The following PBX2 variants were observed in gnomAD, a reference collection of about 807,000 sequenced individuals.
PBX2 encodes PBX homeobox 2.
PBX2 carries 10 observed loss-of-function variants against 46.5 expected under a neutral mutation model. The observed-to-expected ratio is 0.21, with a 90% CI of 0.13 to 0.36. PBX2 has a LOEUF of 0.36. Ranked by LOEUF, PBX2 falls within the 10% of genes least tolerant of loss-of-function variation. PBX2 has a pLI of 1.00. For missense variants in PBX2, 392 were observed against 580.5 expected, an observed-to-expected ratio of 0.68 and a Z score of 3.34; for synonymous variants, 160 against 222.5, an observed-to-expected ratio of 0.72 and a Z score of 2.50.
At position 32,190,186 on chromosome 6, in the gene PBX2, G is replaced by A. The variant is rs2127450716; in HGVS notation, c.-271C>T. The A allele has an allele frequency of 1.1e-5, 3 of 283,998 alleles. No homozygotes were observed. The South Asian group carries it at 3.4e-4, about 32-fold the overall frequency. 17.6% of individuals were successfully genotyped at this position (283,998 alleles called of 1,614,324 possible). The stretch of plus-strand genomic sequence containing the variant: ...CCCAAGCGGGGGTGTGTGTGAGAGA[G>A]AGGGAGGAGGGAGGAGGGAGAAGGG... On this transcript the variant is annotated 5_prime_UTR_variant, in exon 1 of 9. Transcript: ENST00000375050.
In PBX2 at chr6:32,185,662, A is replaced by C. The variant is rs1393362836; in HGVS notation, c.*720T>G. On this transcript the variant is annotated 3_prime_UTR_variant, in exon 9 of 9. Transcript: ENST00000375050. ...AACAAAAACAACAACAACAACAAAA[A>C]AAACAGATGGATCCCAGGGTTTCTT... 4 of 152,226 alleles carry C rather than the reference A, an allele frequency of 2.6e-5. No homozygotes were observed. Among genetic ancestry groups the C allele is most frequent in the Non-Finnish European group, 5.9e-5 (4 of 68,098 alleles). 9.4% of individuals were successfully genotyped at this position (152,226 alleles called of 1,614,324 possible). A position where few individuals can be genotyped will look rare whatever the true frequency, so the allele number is the denominator to read the frequency against.
Position 32,186,995 on chromosome 6 carries a change from T to G in PBX2, c.1025-94A>C. 3 of 1,166,910 alleles carry G rather than the reference T, an allele frequency of 2.6e-6. No individual in the cohort carries two copies. Among genetic ancestry groups the G allele is most frequent in the Non-Finnish European group, 3.8e-6 (3 of 795,078 alleles). 72.3% of individuals were successfully genotyped at this position (1,166,910 alleles called of 1,614,324 possible). A position where few individuals can be genotyped will look rare whatever the true frequency, so the allele number is the denominator to read the frequency against. ...CTCTTGTGGGGACATGCTACTATAC[T>G]CCAATTATCCACAAAATAACATTCC... is the stretch of plus-strand genomic sequence containing the variant. On this transcript the variant is annotated intron_variant, in intron 6 of 8. Coordinates refer to ENST00000375050, the MANE Select transcript of PBX2 (RefSeq NM_002586.5). This position sits in a 1 kb window ranked among gnomAD's most constrained non-coding sequence, Gnocchi z 4.2.
In PBX2 at chr6:32,189,614, T is replaced by TG. The variant is rs140151581; in HGVS notation, c.221+80dup. On this transcript the variant is annotated intron_variant, in intron 1 of 8. Transcript: ENST00000375050. This position sits in a 1 kb window ranked among gnomAD's most constrained non-coding sequence, Gnocchi z 4.7. The stretch of plus-strand genomic sequence containing the variant: ...TGGATCCTGGAGAGGGCCCTGGAGT[T>TG]GGGGGGGGCTCCCAGAAGATTCAGA... The TG allele has an allele frequency of 0.021, 21,814 of 1,031,768 alleles. 451 individuals are homozygous for TG. The highest frequency in any genetic ancestry group is 0.081 in the East Asian group (3,069 of 37,968). The allele number at this position is 1,031,768 out of a possible 1,614,324, so 63.9% of individuals were successfully genotyped here.
At position 32,190,013 on chromosome 6, in the gene PBX2, C is replaced by T. The variant is rs1787364631; in HGVS notation, c.-98G>A. ...TCGCTGGGGCCGCTGCTCCCTCCGCCCCAACCCCCGCCCGTCTGCCCCCGG... is the reference window on the plus strand; with the variant it reads ...TCGCTGGGGCCGCTGCTCCCTCCGCTCCAACCCCCGCCCGTCTGCCCCCGG... On this transcript the variant is annotated 5_prime_UTR_variant, in exon 1 of 9. Transcript: ENST00000375050. 1.8e-6 allele frequency: 1 copy of T among 558,562 alleles called. No individual in the cohort carries two copies. Among genetic ancestry groups the T allele is most frequent in the Non-Finnish European group, 3.0e-6 (1 of 336,576 alleles). 34.6% of individuals were successfully genotyped at this position (558,562 alleles called of 1,614,324 possible).
Position 32,187,403 on chromosome 6 carries a change from G to A in PBX2, c.871-8C>T, listed in dbSNP as rs368138195. The stretch of plus-strand genomic sequence containing the variant: ...GCCAAACCAGTTGGAGACCTGTGGG[G>A]CAGAAAGGAGGGTCAGGTAGAAACA... On this transcript the variant is annotated splice_polypyrimidine_tract_variant and splice_region_variant and intron_variant, in intron 5 of 8. Transcript: ENST00000375050. The surrounding 1 kb of genome is among the most constrained non-coding windows in gnomAD (Gnocchi z 7.7). 8 of 1,612,198 alleles carry A rather than the reference G, an allele frequency of 5.0e-6. No homozygotes were observed. In the East Asian group the frequency reaches 6.7e-5, roughly 13 times the overall value.
In PBX2 at chr6:32,186,506, GAA is replaced by G. The variant is rs1787148672; in HGVS notation, c.1201-34_1201-33del. On this transcript the variant is annotated intron_variant, in intron 8 of 8. Coordinates refer to ENST00000375050, the MANE Select transcript of PBX2 (RefSeq NM_002586.5). The surrounding 1 kb of genome is among the most constrained non-coding windows in gnomAD (Gnocchi z 4.2). ...GGAGAGACAGAGTACAGAAAACAGA[GAA>G]AGCCCTGGGAACCCTGTGTGGGCAC... 2 of 1,603,070 alleles carry G rather than the reference GAA, an allele frequency of 1.2e-6. No individual in the cohort carries two copies. The highest frequency in any genetic ancestry group is 1.7e-6 in the Non-Finnish European group (2 of 1,170,228).
At position 32,186,495 on chromosome 6, in the gene PBX2, C is replaced by T. The variant is rs768535694; in HGVS notation, c.1201-21G>A. ...TTTGCCTGAAAGGAGAGACAGAGTA[C>T]AGAAAACAGAGAAAGCCCTGGGAAC... On this transcript the variant is annotated intron_variant, in intron 8 of 8. Transcript: ENST00000375050. This position sits in a 1 kb window ranked among gnomAD's most constrained non-coding sequence, Gnocchi z 4.2. 23 of 1,609,864 alleles carry T rather than the reference C, an allele frequency of 1.4e-5. No homozygotes were observed. The highest frequency in any genetic ancestry group is 8.5e-7 in the Non-Finnish European group (1 of 1,176,532).
chr6:32,186,748 T>C lies in PBX2; in HGVS notation c.1114-58A>G. The C allele has an allele frequency of 6.3e-7, 1 of 1,596,642 alleles. No homozygotes were observed. ...GAGAAGCCTCAGAGGAAAGAGGTCT[T>C]GTATCCTAAAGTAGAGGAAATGGAG... On this transcript the variant is annotated intron_variant, in intron 7 of 8. Transcript: ENST00000375050. The surrounding 1 kb of genome is among the most constrained non-coding windows in gnomAD (Gnocchi z 4.2).
Position 32,186,578 on chromosome 6 carries a change from A to G in PBX2, c.1200+26T>C. 1 of 1,587,824 alleles carries G rather than the reference A, an allele frequency of 6.3e-7. No individual in the cohort carries two copies. On this transcript the variant is annotated intron_variant, in intron 8 of 8. Transcript: ENST00000375050. The surrounding 1 kb of genome is among the most constrained non-coding windows in gnomAD (Gnocchi z 4.2). ...CCCCTCTGTCCTGTGAGAACTGGAC[A>G]GAGAGGAGCTTCAGGATCCACTCAC... is the stretch of plus-strand genomic sequence containing the variant.
Position 32,187,272 on chromosome 6 carries a change from T to C in PBX2, c.994A>G (p.Thr332Ala). Residue 332 changes from threonine (T) to alanine (A), a missense_variant, in exon 6 of 9, where the codon ACC becomes GCC. Physicochemically the swap from Thr to Ala is moderately conservative, Grantham distance 58. Around this residue, in one of 3 missense-constraint regions of PBX2, gnomAD observed 116 missense variants for 157.9 expected, o/e 0.73. Transcript: ENST00000375050. The surrounding 1 kb of genome is among the most constrained non-coding windows in gnomAD (Gnocchi z 7.7). ...GAGGAAGGGGGTGTCGGGGAGCTGG[T>C]GCGGCTGTGGCCCCCCTGGGTGACT... is the stretch of plus-strand genomic sequence containing the variant. ...VSVTQGGHSRTSSPTPPSSAG... is the reference protein window; with the variant it reads ...VSVTQGGHSRASSPTPPSSAG... The C allele has an allele frequency of 6.2e-7, 1 of 1,613,032 alleles. No homozygotes were observed. The highest frequency in any genetic ancestry group is 8.5e-7 in the Non-Finnish European group (1 of 1,180,032).
chr6:32,188,606 C>T lies in PBX2; in HGVS notation c.296-102G>A, dbSNP rs1372756819. ...GAGCCAAGTTCCCAGGCTTTGGTTCCTTCCCCAGTCCCCCTGACTCCTTAC... is the reference window on the plus strand; with the variant it reads ...GAGCCAAGTTCCCAGGCTTTGGTTCTTTCCCCAGTCCCCCTGACTCCTTAC... On this transcript the variant is annotated intron_variant, in intron 2 of 8. Transcript: ENST00000375050. The surrounding 1 kb of genome is among the most constrained non-coding windows in gnomAD (Gnocchi z 6.5). 8 of 1,575,092 alleles carry T rather than the reference C, an allele frequency of 5.1e-6. No individual in the cohort carries two copies. Among genetic ancestry groups the T allele is most frequent in the Non-Finnish European group, 5.2e-6 (6 of 1,154,448 alleles).
chr6:32,187,112 C>T lies in PBX2; in HGVS notation c.1024+130G>A. 8.1e-7 allele frequency: 1 copy of T among 1,234,004 alleles called. No homozygotes were observed. The highest frequency in any genetic ancestry group is 1.1e-6 in the Non-Finnish European group (1 of 876,718). 76.4% of individuals were successfully genotyped at this position (1,234,004 alleles called of 1,614,324 possible). On this transcript the variant is annotated intron_variant, in intron 6 of 8. Coordinates refer to ENST00000375050, the MANE Select transcript of PBX2 (RefSeq NM_002586.5). The surrounding 1 kb of genome is among the most constrained non-coding windows in gnomAD (Gnocchi z 7.7). ...GAATGGCCTCTGTCCCCTGACATCT[C>T]CAGCCTATCTCAGCTCGGTCCCTCT...
In PBX2 at chr6:32,185,240, T is replaced by A. The variant is rs1361263408; in HGVS notation, c.*1142A>T. 6.6e-6 allele frequency: 1 copy of A among 152,518 alleles called. No homozygotes were observed. Among genetic ancestry groups the A allele is most frequent in the Non-Finnish European group, 1.5e-5 (1 of 68,028 alleles). The allele number at this position is 152,518 out of a possible 1,614,324, so 9.4% of individuals were successfully genotyped here. ...ACAGGGGAAGATGGCATCTTCAATT[T>A]CCTCAAAATTACTGAGTCCAGCCCT... is the stretch of plus-strand genomic sequence containing the variant. On this transcript the variant is annotated 3_prime_UTR_variant, in exon 9 of 9. Transcript: ENST00000375050.
Position 32,187,620 on chromosome 6 carries a change from C to A in PBX2, c.870+27G>T. 1 of 1,575,260 alleles carries A rather than the reference C, an allele frequency of 6.3e-7. No individual in the cohort carries two copies. The highest frequency in any genetic ancestry group is 8.6e-7 in the Non-Finnish European group (1 of 1,159,996). ...GCTGAGATGCGTGCACTTTGCCTGA[C>A]AACTCCTCCCGCAACCTCCATAATA... On this transcript the variant is annotated intron_variant, in intron 5 of 8. Coordinates refer to ENST00000375050, the MANE Select transcript of PBX2 (RefSeq NM_002586.5). This position sits in a 1 kb window ranked among gnomAD's most constrained non-coding sequence, Gnocchi z 7.7.
rs374916233 is a variant in PBX2 at position 32,186,340 on chromosome 6, G to A, written c.*42C>T. 84 of 1,427,948 alleles carry A rather than the reference G, an allele frequency of 5.9e-5. No individual in the cohort carries two copies. The Admixed American group carries it at 1.0e-3, about 18-fold the overall frequency. The allele number at this position is 1,427,948 out of a possible 1,614,324, so 88.5% of individuals were successfully genotyped here. A position where few individuals can be genotyped will look rare whatever the true frequency, so the allele number is the denominator to read the frequency against. ...TGGAAGCCTGCGTCCTCTTCAAGTCGCCTTGTGAGAGCCCCCACCCCTGTG... is the reference window on the plus strand; with the variant it reads ...TGGAAGCCTGCGTCCTCTTCAAGTCACCTTGTGAGAGCCCCCACCCCTGTG... On this transcript the variant is annotated 3_prime_UTR_variant, in exon 9 of 9. Transcript: ENST00000375050. This position sits in a 1 kb window ranked among gnomAD's most constrained non-coding sequence, Gnocchi z 4.2.
Position 32,189,620 on chromosome 6 carries a change from G to C in PBX2, c.221+75C>G. 2.7e-6 allele frequency: 3 copies of C among 1,123,710 alleles called. No individual in the cohort carries two copies. The highest frequency in any genetic ancestry group is 4.0e-6 in the Non-Finnish European group (3 of 758,506). 69.6% of individuals were successfully genotyped at this position (1,123,710 alleles called of 1,614,324 possible). A position where few individuals can be genotyped will look rare whatever the true frequency, so the allele number is the denominator to read the frequency against. ...CTGGAGAGGGCCCTGGAGTTGGGGG[G>C]GGCTCCCAGAAGATTCAGAACATGT... On this transcript the variant is annotated intron_variant, in intron 1 of 8. Transcript: ENST00000375050. This position sits in a 1 kb window ranked among gnomAD's most constrained non-coding sequence, Gnocchi z 4.7.
rs757532970 is a variant in PBX2 at position 32,187,427 on chromosome 6, C to G, written c.871-32G>C. On this transcript the variant is annotated intron_variant, in intron 5 of 8. Coordinates refer to ENST00000375050, the MANE Select transcript of PBX2 (RefSeq NM_002586.5). The surrounding 1 kb of genome is among the most constrained non-coding windows in gnomAD (Gnocchi z 7.7). ...GGCAGAAAGGAGGGTCAGGTAGAAA[C>G]ATTTGCCTCTGAAGTCCTTCACTGA... is the stretch of plus-strand genomic sequence containing the variant. 1 of 1,608,288 alleles carries G rather than the reference C, an allele frequency of 6.2e-7. No individual in the cohort carries two copies. The highest frequency in any genetic ancestry group is 8.5e-7 in the Non-Finnish European group (1 of 1,176,238).
rs199859210 is a variant in PBX2, at chr6:32,188,705, C to CCG, written c.295+17_295+18insCG. On this transcript the variant is annotated intron_variant, in intron 2 of 8. Transcript: ENST00000375050. This position sits in a 1 kb window ranked among gnomAD's most constrained non-coding sequence, Gnocchi z 6.5. ...GTTCTGTTCCCAGAGTTGAGCAATC[C>CCG]GGGGGGGGCCCACATACCAGTTTTC... The CCG allele has an allele frequency of 3.7e-6, 6 of 1,604,856 alleles. No individual in the cohort carries two copies. The highest frequency in any genetic ancestry group is 1.3e-5 in the African/African-American group (1 of 74,512).
In PBX2 at chr6:32,186,482, G is replaced by A. The variant is rs1324570366; in HGVS notation, c.1201-8C>T. 6.2e-7 allele frequency: 1 copy of A among 1,612,644 alleles called. No individual in the cohort carries two copies. Among genetic ancestry groups the A allele is most frequent in the East Asian group, 2.2e-5 (1 of 44,884 alleles). On this transcript the variant is annotated splice_polypyrimidine_tract_variant and splice_region_variant and intron_variant, in intron 8 of 8. Coordinates refer to ENST00000375050, the MANE Select transcript of PBX2 (RefSeq NM_002586.5). This position sits in a 1 kb window ranked among gnomAD's most constrained non-coding sequence, Gnocchi z 4.2. ...TTGCCAGCTGCCATTTGCCTGAAAG[G>A]AGAGACAGAGTACAGAAAACAGAGA...
Sources: gnomAD v4.1 joint callset for allele counts on GRCh38, gnomAD v4.1.1 for gene constraint, gnomAD v4.1.1 regional missense constraint, Gnocchi (gnomAD v3.1) non-coding constraint, MANE v1.5 for transcripts, NCBI Gene and HGNC (gene_info 2026-07-23, HGNC 2026-07-21) for gene names.